Variants in SERPINB7 observed in about 807,000 individuals in gnomAD.
The protein encoded by SERPINB7 is serpin family B member 7.
In SERPINB7, 31 loss-of-function variants were observed where a neutral mutation model predicts 37.4. That is an observed-to-expected ratio of 0.83 (90% confidence interval 0.62 to 1.12). SERPINB7 has a LOEUF of 1.12. SERPINB7 is among the 50% of genes most tolerant of loss of function. SERPINB7 has a pLI of 0.00. For synonymous variants in SERPINB7, 163 were observed against 166.1 expected, an observed-to-expected ratio of 0.98 and a Z score of 0.14; for missense variants, 521 against 455.3, an observed-to-expected ratio of 1.14 and a Z score of -1.31.
At chr18:63,756,613 G>T (rs79008602) in intron 1 of SERPINB7, among the ~76,000 whole-genome samples, 1 of 152,168 alleles carries the variant, frequency 6.6e-6, no homozygotes, top group Non-Finnish European at 1.5e-5. Context: ...TCAGGGTGGA[G>T]GATAGGTAGA....
At chr18:63,782,742 A>C (rs1038521520) in intron 2 of SERPINB7, among the ~76,000 whole-genome samples, 9 of 152,192 alleles carry the variant, frequency 5.9e-5, no homozygotes, top group African/African-American at 2.2e-4. Flanking sequence ...GGCAGCAGAA[A>C]TATTCCAAGT....
chr18:63,776,380 A>AT (rs1178999990), intron 1 of SERPINB7, among the ~76,000 whole-genome samples: 1 of 151,994 alleles, frequency 6.6e-6, no homozygotes, highest in Non-Finnish European at 1.5e-5. Flanking sequence ...GTAAGCATCC[A>AT]TTAAAAAACA....
intron 1 of SERPINB7, among the ~76,000 whole-genome samples, chr18:63,755,744 A>AT (rs2049118351): frequency 6.6e-6 from 1 of 152,106 alleles, no homozygotes; most frequent in South Asian, 2.1e-4. Context: ...AATTAAAAAA[A>AT]ATAGCTAGAT....
intron 1 of SERPINB7, among the ~76,000 whole-genome samples, chr18:63,754,947 C>T (rs1423892446): frequency 2.4e-5 from 3 of 124,616 alleles, no homozygotes; most frequent in Non-Finnish European, 3.2e-5. Context: ...GGCCGGACTG[C>T]GGACTGCAGT....
At chr18:63,786,513 T>C (rs1237856663) in intron 2 of SERPINB7, among the ~76,000 whole-genome samples, 1 of 152,094 alleles carries the variant, frequency 6.6e-6, no homozygotes, top group African/African-American at 2.4e-5. Context: ...TTAAAAATAA[T>C]CACTATAATA....
At chr18:63,779,332 C>G (rs1042062849) in intron 1 of SERPINB7, among the ~76,000 whole-genome samples, 2 of 152,100 alleles carry the variant, frequency 1.3e-5, no homozygotes, top group African/African-American at 4.8e-5. Flanking sequence ...ATAAAACAAT[C>G]AGTTCAGTCT....
chr18:63,756,700 C>T (rs2049123924), intron 1 of SERPINB7, among the ~76,000 whole-genome samples: 1 of 151,906 alleles, frequency 6.6e-6, no homozygotes. Flanking sequence ...CATTAATAAG[C>T]ATCTGGATCA....
At chr18:63,773,190 C>A (rs560057015), upstream of SERPINB7, among the ~76,000 whole-genome samples, 31 of 152,086 alleles carry the variant, frequency 2.0e-4, no homozygotes, top group Admixed American at 1.9e-3. Flanking sequence ...ATGGAACTTG[C>A]CACTACAAGA....
intron 4 of SERPINB7, 125 bp from the exon 5 acceptor site, chr18:63,796,141 A>G: frequency 1.8e-6 from 1 of 569,502 alleles, no homozygotes. Flanking sequence ...ATATTTACAT[A>G]CTCATTTTTG....
At chr18:63,781,446 C>T (rs1177479966) in intron 1 of SERPINB7, among the ~76,000 whole-genome samples, 7 of 152,204 alleles carry the variant, frequency 4.6e-5, no homozygotes, top group African/African-American at 1.7e-4. Flanking sequence ...CTGGCACCTG[C>T]CACACCATCA....
chr18:63,783,624 C>A (rs2049336082), intron 2 of SERPINB7, among the ~76,000 whole-genome samples: 1 of 152,168 alleles, frequency 6.6e-6, no homozygotes. Flanking sequence ...TCTGGGAGCA[C>A]TTTATAGGGA....
chr18:63,774,035 C>G (rs373005902), upstream of SERPINB7, among the ~76,000 whole-genome samples: 1 of 151,990 alleles, frequency 6.6e-6, no homozygotes, highest in Admixed American at 6.6e-5. Context: ...AAATATTCAG[C>G]CTATGAACAC....
intron 7 of SERPINB7, among the ~76,000 whole-genome samples, 167 bp downstream of exon 7, chr18:63,801,179 A>T (rs75727961): frequency 0.037 from 5,650 of 152,310 alleles, 136 homozygotes; most frequent in Non-Finnish European, 0.05. Flanking sequence ...TATGAGCCAG[A>T]CATCATTATA....
intron 2 of SERPINB7, among the ~76,000 whole-genome samples, chr18:63,790,597 G>A (rs919825239): frequency 6.6e-6 from 1 of 152,096 alleles, no homozygotes; most frequent in Non-Finnish European, 1.5e-5. Context: ...CAATAAGAAA[G>A]AAATATAAGG....
At position 63,775,640 on chromosome 18, in the gene SERPINB7, T is replaced by C. The variant is rs1568204105; in HGVS notation, c.-95T>C. The C allele has an allele frequency of 1.3e-5, 2 of 152,176 alleles. No homozygotes were observed. The highest frequency in any genetic ancestry group is 1.3e-4 in the Admixed American group (2 of 15,282). The allele number at this position is 152,176 out of a possible 1,614,324, so 9.4% of individuals were successfully genotyped here. A position where few individuals can be genotyped will look rare whatever the true frequency, so the allele number is the denominator to read the frequency against. ...AGTCTTGAGAAGTGTGGAAACATTT[T>C]CTTTGTGAGTGAGAACAGATCACCT... On this transcript the variant is annotated 5_prime_UTR_variant, in exon 1 of 8. Coordinates refer to ENST00000398019, the MANE Select transcript of SERPINB7 (RefSeq NM_003784.4).
chr18:63,777,879 GACACACACACACAC>G lies in SERPINB7; in HGVS notation c.-19+2197_-19+2210del, dbSNP rs67119027. The G allele has an allele frequency of 4.5e-3, 585 of 131,298 alleles. 3 individuals are homozygous for G. Among genetic ancestry groups the G allele is most frequent in the Non-Finnish European group, 6.6e-3 (399 of 60,776 alleles). The allele number at this position is 131,298 out of a possible 1,614,324, so 8.1% of individuals were successfully genotyped here. On this transcript the variant is annotated intron_variant, in intron 1 of 7. Transcript: ENST00000398019. ...AGTCTGGCCAGATCCTTTGAAAAAA[GACACACACACACAC>G]ACACACACACACACACACACACACA...
At chr18:63,767,513 C>T (rs1231299926) in intron 1 of SERPINB7, among the ~76,000 whole-genome samples, 1 of 152,092 alleles carries the variant, frequency 6.6e-6, no homozygotes, top group African/African-American at 2.4e-5. Context: ...AAAAGAAAGA[C>T]TGTGTTTCCT....
At chr18:63,778,951 C>T (rs1337686923) in intron 1 of SERPINB7, among the ~76,000 whole-genome samples, 2 of 152,058 alleles carry the variant, frequency 1.3e-5, no homozygotes, top group African/African-American at 2.4e-5. Flanking sequence ...ATGCAAGAAA[C>T]ATAAGAATAT....
At chr18:63,791,165 A>G (rs950546413) in intron 2 of SERPINB7, among the ~76,000 whole-genome samples, 1 of 152,200 alleles carries the variant, frequency 6.6e-6, no homozygotes, top group Non-Finnish European at 1.5e-5. Flanking sequence ...GGGAAGGGAT[A>G]GCATTAGGAG....
Sources: allele counts gnomAD v4.1 joint callset (sites outside exome capture counted in the v4.1 genomes callset), GRCh38; gene constraint gnomAD v4.1.1; transcripts MANE v1.5; gene names NCBI Gene and HGNC (gene_info 2026-07-23, HGNC 2026-07-21).